AGO2: variants seen among roughly 807,000 people sequenced by gnomAD.
AGO2 encodes protein argonaute-2.
AGO2 carries 5 observed loss-of-function variants against 102.3 expected under a neutral mutation model. The ratio of observed to expected loss-of-function variants is 0.05; its 90% CI spans 0.03 to 0.10. The LOEUF (loss-of-function observed/expected upper bound fraction) is 0.10. AGO2 is among the 10% of genes least tolerant of loss of function. AGO2 has a pLI of 1.00. For missense variants in AGO2, 541 were observed against 1,183.7 expected (o/e 0.46, Z 7.97); for synonymous variants, 449 against 473.1 (o/e 0.95, Z 0.66).
At chr8:140,556,979 G>A (rs752475715) in intron 8 of AGO2, 110 bp downstream of exon 8, 71 of 1,432,740 alleles carry the variant, frequency 5.0e-5, no homozygotes, top group Non-Finnish European at 6.4e-5. Context: ...AGCAGAGGCA[G>A]TGCCATTTGT....
At chr8:140,641,284 C>T in the AGO2 span, among the ~76,000 whole-genome samples, 15 of 141,020 alleles carry the variant, frequency 1.1e-4, no homozygotes, top group Non-Finnish European at 1.7e-4. Context: ...TAGAGCAAGA[C>T]GCTGTCTCAA....
chr8:140,520,670 A>G lies in AGO2; in HGVS notation c.*11374T>C, dbSNP rs932496000. 6.7e-6 allele frequency: 1 copy of G among 148,504 alleles called. No individual in the cohort carries two copies. The highest frequency in any genetic ancestry group is 2.5e-5 in the African/African-American group (1 of 40,136). The allele number at this position is 148,504 out of a possible 1,614,324, so 9.2% of individuals were successfully genotyped here. Reference sequence around the variant, plus strand: ...CATTTAGGATCATGCTACTTCCTCAATCGCAATTTTTCTGAGGTCTGTGTT... The same window carrying G: ...CATTTAGGATCATGCTACTTCCTCAGTCGCAATTTTTCTGAGGTCTGTGTT... On this transcript the variant is annotated 3_prime_UTR_variant, in exon 19 of 19. Transcript: ENST00000220592.
rs1190520278 is a variant in AGO2, at chr8:140,567,682, C to G, written c.337-5048G>C. Among the ~76,000 whole-genome samples, 1 of 152,244 alleles carries G rather than the reference C, an allele frequency of 6.6e-6. No homozygotes were observed. Among genetic ancestry groups the G allele is most frequent in the Non-Finnish European group, 1.5e-5 (1 of 68,032 alleles). On this transcript the variant is annotated intron_variant, in intron 3 of 18. Transcript: ENST00000220592. The surrounding 1 kb of genome is among the most constrained non-coding windows in gnomAD (Gnocchi z 5.0). ...CAAGGCCTGGAGCACGGCGAGGCAC[C>G]TGTGACATCCAATCTCCCCAGACAA...
In AGO2 at chr8:140,601,666, T is replaced by C. The variant is rs145168229; in HGVS notation, c.23-16355A>G. Among the ~76,000 whole-genome samples the C allele has an allele frequency of 7.9e-5, 12 of 152,364 alleles. No homozygotes were observed. In the East Asian group the frequency reaches 2.3e-3, roughly 29 times the overall value. ...AGCATGTGTCTGCCAGCTAGAGTCATCTCTTGGTGTTTGCCTAGAACCTGA... is the reference window on the plus strand; with the variant it reads ...AGCATGTGTCTGCCAGCTAGAGTCACCTCTTGGTGTTTGCCTAGAACCTGA... On this transcript the variant is annotated intron_variant, in intron 1 of 18. Coordinates refer to ENST00000220592, the MANE Select transcript of AGO2 (RefSeq NM_012154.5).
chr8:140,538,949 A>AAG (rs1354849854), intron 16 of AGO2, among the ~76,000 whole-genome samples: 2 of 152,132 alleles, frequency 1.3e-5, no homozygotes, highest in East Asian at 3.9e-4. Context: ...AAAAATAAAA[A>AAG]AAAAATTAAC....
At chr8:140,580,313 G>GAGGT (rs2073536338) in intron 2 of AGO2, among the ~76,000 whole-genome samples, 1 of 152,274 alleles carries the variant, frequency 6.6e-6, no homozygotes, top group African/African-American at 2.4e-5. Context: ...AGAGGTAACT[G>GAGGT]AGGTGCAAGG....
intron 14 of AGO2, among the ~76,000 whole-genome samples, chr8:140,543,769 A>G (rs917211953): frequency 6.6e-6 from 1 of 152,212 alleles, no homozygotes; most frequent in African/African-American, 2.4e-5. Flanking sequence ...TCCTCATTTT[A>G]CACCCAAGAA....
intron 1 of AGO2, among the ~76,000 whole-genome samples, chr8:140,612,917 T>C (rs1366653045): frequency 6.6e-6 from 1 of 152,054 alleles, no homozygotes; most frequent in African/African-American, 2.4e-5. Context: ...AACATATCCC[T>C]GGCCAGGCAT....
intron 18 of AGO2, 26 bp from the exon 19 acceptor site, chr8:140,532,178 T>G (rs372315408): frequency 1.9e-6 from 3 of 1,588,216 alleles, no homozygotes; most frequent in South Asian, 1.1e-5. Context: ...AGAGAGAGAA[T>G]GAGAATGTGC....
intron 2 of AGO2, among the ~76,000 whole-genome samples, chr8:140,584,639 C>A (rs1813856124): frequency 6.6e-6 from 1 of 152,132 alleles, no homozygotes; most frequent in Non-Finnish European, 1.5e-5. Context: ...GAGTATTTAG[C>A]AATAAAAATA....
intron 12 of AGO2, among the ~76,000 whole-genome samples, chr8:140,548,314 T>TA (rs34521232): frequency 0.21 from 25,667 of 120,878 alleles, 3,143 homozygotes; most frequent in East Asian, 0.3. Context: ...AGCCCTTGTC[T>TA]AAAAAAAAAA....
At chr8:140,533,863 A>C (rs2072646004) in intron 17 of AGO2, among the ~76,000 whole-genome samples, 1 of 152,030 alleles carries the variant, frequency 6.6e-6, no homozygotes, top group South Asian at 2.1e-4. Flanking sequence ...TAGAAGTGAG[A>C]GTGTGAACGT....
intron 1 of AGO2, among the ~76,000 whole-genome samples, chr8:140,590,691 A>G (rs952400889): frequency 6.6e-6 from 1 of 152,186 alleles, no homozygotes; most frequent in African/African-American, 2.4e-5. Flanking sequence ...TCCAGCCCTG[A>G]GCAGGAGCCA....
intron 1 of AGO2, among the ~76,000 whole-genome samples, chr8:140,624,023 C>A (rs1182035455): frequency 6.6e-6 from 1 of 152,128 alleles, no homozygotes; most frequent in African/African-American, 2.4e-5. Flanking sequence ...GGAGAGCCCA[C>A]CATAGGGCGA....
intron 1 of AGO2, among the ~76,000 whole-genome samples, chr8:140,603,756 C>T (rs958827912): frequency 3.3e-5 from 5 of 152,396 alleles, no homozygotes; most frequent in Non-Finnish European, 7.3e-5. Flanking sequence ...TCCAGCCCCA[C>T]GCTGCTGTGG....
intron 2 of AGO2, among the ~76,000 whole-genome samples, chr8:140,573,840 G>A (rs2132980318): frequency 6.6e-6 from 1 of 152,318 alleles, no homozygotes; most frequent in Non-Finnish European, 1.5e-5. Context: ...ACTAGGATTT[G>A]CTCTGTAGCC....
At chr8:140,614,051 G>A (rs1027031851) in intron 1 of AGO2, among the ~76,000 whole-genome samples, 9 of 143,934 alleles carry the variant, frequency 6.3e-5, no homozygotes, top group African/African-American at 1.3e-4. Context: ...GGCCAGACAC[G>A]GTGGCTCACG....
At position 140,547,666 on chromosome 8, in the gene AGO2, C is replaced by G. The variant is rs1179500830; in HGVS notation, c.1589-39G>C. 4 of 1,581,088 alleles carry G rather than the reference C, an allele frequency of 2.5e-6. No homozygotes were observed. In the African/African-American group the frequency reaches 4.0e-5, roughly 16 times the overall value. On this transcript the variant is annotated intron_variant, in intron 12 of 18. Transcript: ENST00000220592. ...GAGGCACACACAGCTCTGCCGGCGCCCCTTCCTCAGCTGGCCCCGAGAGCA... is the reference window on the plus strand; with the variant it reads ...GAGGCACACACAGCTCTGCCGGCGCGCCTTCCTCAGCTGGCCCCGAGAGCA...
At chr8:140,547,939 G>C (rs115650374) in intron 12 of AGO2, among the ~76,000 whole-genome samples, 3 of 152,168 alleles carry the variant, frequency 2.0e-5, no homozygotes, top group African/African-American at 7.2e-5. Flanking sequence ...TCAACAAAAC[G>C]ATTTAAATGC....
Sources: allele counts gnomAD v4.1 joint callset (sites outside exome capture counted in the v4.1 genomes callset), GRCh38; gene constraint gnomAD v4.1.1; non-coding constraint Gnocchi (gnomAD v3.1); transcripts MANE v1.5; gene names NCBI Gene and HGNC (gene_info 2026-07-23, HGNC 2026-07-21).